Variants in TGFBR1 observed in about 807,000 individuals in gnomAD.
TGFBR1 encodes the protein TGF-beta receptor type-1.
Under a neutral mutation model 55.1 loss-of-function variants are expected in TGFBR1, and 20 were observed. That is an observed-to-expected ratio of 0.36 (90% confidence interval 0.26 to 0.53). The LOEUF is 0.53. TGFBR1 is among the 20% of genes least tolerant of loss of function. TGFBR1 has a pLI of 0.91. For synonymous variants in TGFBR1, 220 were observed against 214.8 expected, an observed-to-expected ratio of 1.02 and a Z score of -0.21; for missense variants, 385 against 617.6, an observed-to-expected ratio of 0.62 and a Z score of 3.99.
chr9:99,105,398 C>T (rs1177191268), intron 1 of TGFBR1, 96 bp downstream of exon 1: 3 of 953,596 alleles, frequency 3.1e-6, no homozygotes, highest in South Asian at 9.3e-5. Flanking sequence ...GGCGCGGGGC[C>T]GGGGGCGCAG....
At chr9:99,116,792 C>T (rs1192395203) in intron 1 of TGFBR1, among the ~76,000 whole-genome samples, 1 of 152,082 alleles carries the variant, frequency 6.6e-6, no homozygotes, top group East Asian at 1.9e-4. Flanking sequence ...ACTTTATTAG[C>T]TTGGTTACAG....
rs771169283 is a variant in TGFBR1 at position 99,128,850 on chromosome 9, T to C, written c.98-5T>C. ...TTTTTTCTAAGAATCTTTCTCTTTT[T>C]CCAGCGTTACAGTGTTTCTGCCACC... On this transcript the variant is annotated splice_region_variant and splice_polypyrimidine_tract_variant and intron_variant, in intron 1 of 8. Transcript: ENST00000374994. The C allele has an allele frequency of 2.5e-6, 4 of 1,613,716 alleles. No individual in the cohort carries two copies. The Admixed American group carries it at 6.7e-5, about 27-fold the overall frequency.
intron 2 of TGFBR1, among the ~76,000 whole-genome samples, chr9:99,131,460 A>C (rs61380966): frequency 1.6e-4 from 25 of 152,326 alleles, no homozygotes; most frequent in Middle Eastern, 3.4e-3. Flanking sequence ...ATGTGATATG[A>C]AAGAAATGGT....
chr9:99,146,667 GTCT>G, intron 7 of TGFBR1, 58 bp downstream of exon 7: 1 of 1,610,460 alleles, frequency 6.2e-7, no homozygotes, highest in Non-Finnish European at 8.5e-7. Flanking sequence ...TTCAAGAATT[GTCT>G]TCTTTTTTTA....
At position 99,105,142 on chromosome 9, in the gene TGFBR1, T is replaced by G; in HGVS notation, c.-64T>G. The G allele has an allele frequency of 9.4e-7, 1 of 1,060,478 alleles. No homozygotes were observed. Among genetic ancestry groups the G allele is most frequent in the Non-Finnish European group, 1.1e-6 (1 of 877,508 alleles). The allele number at this position is 1,060,478 out of a possible 1,614,324, so 65.7% of individuals were successfully genotyped here. A position where few individuals can be genotyped will look rare whatever the true frequency, so the allele number is the denominator to read the frequency against. ...GCTAGGGAGGTGGGGCGAGGCGAGG[T>G]TTGCTGGGGTGAGGCAGCGGCGCGG... On this transcript the variant is annotated 5_prime_UTR_variant, in exon 1 of 9. Coordinates refer to ENST00000374994, the MANE Select transcript of TGFBR1 (RefSeq NM_004612.4).
At chr9:99,105,383 A>C in intron 1 of TGFBR1, 81 bp downstream of exon 1, 33 of 939,780 alleles carry the variant, frequency 3.5e-5, no homozygotes, top group South Asian at 4.7e-5. Context: ...CTCTTTCTCA[A>C]ACATGGCGCG....
upstream of TGFBR1, among the ~76,000 whole-genome samples, chr9:99,104,869 G>T (rs1365152841): frequency 1.1e-4 from 16 of 152,102 alleles, no homozygotes; most frequent in Non-Finnish European, 1.5e-4. Flanking sequence ...GCGGCCTCTC[G>T]GAGCCGGGAG....
chr9:99,147,421 A>C (rs926995272), intron 7 of TGFBR1, among the ~76,000 whole-genome samples: 1 of 152,192 alleles, frequency 6.6e-6, no homozygotes, highest in African/African-American at 2.4e-5. Flanking sequence ...GTCATTTCAA[A>C]TAGGCTTTAT....
chr9:99,118,649 T>C (rs12057076), intron 1 of TGFBR1, among the ~76,000 whole-genome samples: 30,733 of 147,038 alleles, frequency 0.21, 3,401 homozygotes, highest in South Asian at 0.4. Flanking sequence ...CTTTCTTTTT[T>C]TTTTTTTTTT....
At chr9:99,131,323 A>G (rs1368347382) in intron 2 of TGFBR1, among the ~76,000 whole-genome samples, 1 of 152,190 alleles carries the variant, frequency 6.6e-6, no homozygotes. Context: ...ATACAAAGGC[A>G]ACAGCCTTCT....
intron 4 of TGFBR1, 77 bp downstream of exon 4, chr9:99,138,166 T>C: frequency 1.6e-6 from 2 of 1,283,046 alleles, no homozygotes; most frequent in South Asian, 2.4e-5. Context: ...TGACTAACCA[T>C]CATCAAAGTA....
intron 7 of TGFBR1, among the ~76,000 whole-genome samples, chr9:99,147,354 G>T (rs1236729344): frequency 6.6e-6 from 1 of 152,168 alleles, no homozygotes; most frequent in East Asian, 1.9e-4. Flanking sequence ...CTCATTTGCT[G>T]CACAATAGGG....
upstream of TGFBR1, among the ~76,000 whole-genome samples, chr9:99,104,500 G>A (rs560805985): frequency 3.0e-4 from 46 of 152,272 alleles, no homozygotes; most frequent in South Asian, 9.5e-3. Flanking sequence ...TGACCGCTGG[G>A]AGCAGGAGGA....
intron 1 of TGFBR1, among the ~76,000 whole-genome samples, chr9:99,122,838 T>A (rs1246538915): frequency 6.6e-6 from 1 of 152,152 alleles, no homozygotes; most frequent in Non-Finnish European, 1.5e-5. Flanking sequence ...ATTACAGTGA[T>A]GGTGAAGTGA....
intron 1 of TGFBR1, among the ~76,000 whole-genome samples, chr9:99,107,297 G>T (rs1288292345): frequency 6.6e-6 from 1 of 152,108 alleles, no homozygotes; most frequent in East Asian, 1.9e-4. Context: ...CTGTAACTTG[G>T]CTTCCCTTTT....
At chr9:99,127,175 A>G (rs560344800) in intron 1 of TGFBR1, among the ~76,000 whole-genome samples, 2 of 152,336 alleles carry the variant, frequency 1.3e-5, no homozygotes, top group South Asian at 4.1e-4. Context: ...TCTAGGAGAA[A>G]TCAGACACAG....
At position 99,110,692 on chromosome 9, in the gene TGFBR1, G is replaced by A. The variant is rs1001075231; in HGVS notation, c.97+5390G>A. Among the ~76,000 whole-genome samples the A allele has an allele frequency of 6.6e-5, 10 of 152,306 alleles. No homozygotes were observed. The South Asian group carries it at 8.3e-4, about 13-fold the overall frequency. On this transcript the variant is annotated intron_variant, in intron 1 of 8. Transcript: ENST00000374994. The stretch of plus-strand genomic sequence containing the variant: ...GTAGTTCAGCCACTGAGACTCAAAT[G>A]ATTTTGTATTACCATAAACCCCATC...
intron 2 of TGFBR1, 153 bp from the exon 3 acceptor site, chr9:99,132,356 G>T: frequency 7.6e-7 from 1 of 1,319,296 alleles, no homozygotes; most frequent in Non-Finnish European, 1.0e-6. Flanking sequence ...CTTGTTCTGG[G>T]TTTGAGCCCT....
rs1827131236 is a variant in TGFBR1, at chr9:99,129,064, C to G, written c.307C>G (p.Gln103Glu). 1.2e-6 allele frequency: 2 copies of G among 1,613,928 alleles called. No individual in the cohort carries two copies. The highest frequency in any genetic ancestry group is 1.7e-6 in the Non-Finnish European group (2 of 1,179,894). The change falls in exon 2 of 9, where the codon CAG becomes GAG. Residue 103 changes from glutamine (Q) to glutamate (E), a missense_variant. Coordinates refer to ENST00000374994, the MANE Select transcript of TGFBR1 (RefSeq NM_004612.4). ...GSVTTTYCCN[Q>E]DHCNKIELPT... is the part of the protein sequence containing the mutation. ...TGTGACTACAACATATTGCTGCAATCAGGACCATTGCAATAAAATAGAACT... is the reference window on the plus strand; with the variant it reads ...TGTGACTACAACATATTGCTGCAATGAGGACCATTGCAATAAAATAGAACT...
Sources: allele counts gnomAD v4.1 joint callset (sites outside exome capture counted in the v4.1 genomes callset), GRCh38; gene constraint gnomAD v4.1.1; transcripts MANE v1.5; gene names NCBI Gene and HGNC (gene_info 2026-07-23, HGNC 2026-07-21).